Variants in ADAMTS17 observed in about 807,000 individuals in gnomAD.
ADAMTS17 encodes the protein ADAM metallopeptidase with thrombospondin type 1 motif 17, also known as A disintegrin and metalloproteinase with thrombospondin motifs 17.
ADAMTS17 carries 113 observed loss-of-function variants against 141.5 expected under a neutral mutation model. That is an observed-to-expected ratio of 0.80 (90% CI 0.69 to 0.93). The LOEUF (loss-of-function observed/expected upper bound fraction) is 0.93, where lower values mean the gene tolerates loss of function less well. Among genes scored for constraint, ADAMTS17 ranks in the 40% least tolerant of loss-of-function variants. The pLI is 0.00. For missense variants in ADAMTS17, 1,659 were observed against 1,517.9 expected, an observed-to-expected ratio of 1.09 and a Z score of -1.54; for synonymous variants, 768 against 630.6, an observed-to-expected ratio of 1.22 and a Z score of -3.27.
chr15:100,156,855 A>G (rs1481923428), intron 8 of ADAMTS17, among the ~76,000 whole-genome samples: 3 of 152,222 alleles, frequency 2.0e-5, no homozygotes, highest in African/African-American at 7.2e-5. Context: ...AAAAGAAACT[A>G]GATTCAAACT....
intron 8 of ADAMTS17, among the ~76,000 whole-genome samples, chr15:100,166,804 G>A (rs1001511134): frequency 2.0e-5 from 3 of 152,210 alleles, no homozygotes; most frequent in Admixed American, 6.5e-5. Context: ...AATTTAAGGC[G>A]TAGTTGTTCT....
chr15:100,061,247 T>G (rs368990895), intron 15 of ADAMTS17, among the ~76,000 whole-genome samples: 8 of 152,182 alleles, frequency 5.3e-5, no homozygotes, highest in African/African-American at 1.9e-4. Flanking sequence ...AGAGGCTCCA[T>G]GAACGGCAGC....
intron 3 of ADAMTS17, among the ~76,000 whole-genome samples, chr15:100,299,292 G>T (rs1466184049): frequency 6.9e-6 from 1 of 144,628 alleles, no homozygotes; most frequent in Admixed American, 6.7e-5. Flanking sequence ...GGACGTCAGG[G>T]TGTGTGTGTG....
At chr15:100,152,435 T>C (rs2039213245) in intron 10 of ADAMTS17, among the ~76,000 whole-genome samples, 177 bp downstream of exon 10, 1 of 152,214 alleles carries the variant, frequency 6.6e-6, no homozygotes, top group Non-Finnish European at 1.5e-5. Context: ...TGTGAGAGTG[T>C]GTTTATGCAT....
chr15:100,341,038 C>T lies in ADAMTS17; in HGVS notation c.450+1G>A. 1 of 1,523,584 alleles carries T rather than the reference C, an allele frequency of 6.6e-7. No individual in the cohort carries two copies. The highest frequency in any genetic ancestry group is 8.8e-7 in the Non-Finnish European group (1 of 1,140,436). 94.4% of individuals were successfully genotyped at this position (1,523,584 alleles called of 1,614,324 possible). On this transcript the variant is annotated splice_donor_variant, in intron 2 of 21. Coordinates refer to ENST00000268070, the MANE Select transcript of ADAMTS17 (RefSeq NM_139057.4). LOFTEE classifies it high-confidence loss of function. Reference sequence around the variant, plus strand: ...CGACCCGGAGGTGGCGCGGGCAGTACCAGGCCGCCGGCGGCGCCGCAGGCG... The same window carrying T: ...CGACCCGGAGGTGGCGCGGGCAGTATCAGGCCGCCGGCGGCGCCGCAGGCG...
intron 15 of ADAMTS17, among the ~76,000 whole-genome samples, chr15:100,063,123 C>A (rs1460946670): frequency 1.3e-5 from 2 of 152,218 alleles, no homozygotes; most frequent in East Asian, 3.8e-4. Flanking sequence ...CAGAATAGAA[C>A]CCAAGTCTAC....
chr15:100,257,521 A>C (rs2141978643), intron 6 of ADAMTS17, among the ~76,000 whole-genome samples: 1 of 152,364 alleles, frequency 6.6e-6, no homozygotes, highest in Non-Finnish European at 1.5e-5. Context: ...AATGCAGAAG[A>C]AAGCTCAGGC....
At chr15:100,209,193 G>C (rs1329210556) in intron 7 of ADAMTS17, among the ~76,000 whole-genome samples, 1 of 151,166 alleles carries the variant, frequency 6.6e-6, no homozygotes, top group Non-Finnish European at 1.5e-5. Context: ...TAAATGCTTA[G>C]CCCAGCAAAG....
intron 6 of ADAMTS17, among the ~76,000 whole-genome samples, chr15:100,258,830 AAG>A (rs1413724434): frequency 5.3e-5 from 8 of 151,862 alleles, no homozygotes; most frequent in Non-Finnish European, 1.2e-4. Context: ...GAAAAATGAA[AAG>A]AAAGTCTAAC....
At chr15:100,260,198 G>A (rs1382777371) in intron 6 of ADAMTS17, among the ~76,000 whole-genome samples, 9 of 152,182 alleles carry the variant, frequency 5.9e-5, no homozygotes, top group Admixed American at 1.3e-4. Flanking sequence ...GTCTGGGGCT[G>A]GGGTCACAGA....
chr15:100,074,224 T>G (rs2034204005), intron 15 of ADAMTS17: 2 of 152,792 alleles, frequency 1.3e-5, no homozygotes, highest in South Asian at 4.1e-4. Flanking sequence ...GTGAGCACCA[T>G]CAGAAAAATG....
intron 7 of ADAMTS17, among the ~76,000 whole-genome samples, chr15:100,223,393 G>C (rs1450886838): frequency 6.6e-6 from 1 of 152,124 alleles, no homozygotes; most frequent in South Asian, 2.1e-4. Context: ...TTTGAGACCA[G>C]ATGCAGCCTG....
chr15:100,284,438 C>T (rs1176448539), intron 3 of ADAMTS17, among the ~76,000 whole-genome samples: 3 of 152,202 alleles, frequency 2.0e-5, no homozygotes, highest in Admixed American at 6.5e-5. Context: ...GACACTTGCT[C>T]AACAGCCCCA....
chr15:100,199,507 G>A, intron 7 of ADAMTS17, 84 bp from the exon 8 acceptor site: 1 of 1,124,100 alleles, frequency 8.9e-7, no homozygotes, highest in South Asian at 1.2e-5. Flanking sequence ...TCAACGTCAT[G>A]CACAATCAAG....
intron 15 of ADAMTS17, among the ~76,000 whole-genome samples, chr15:100,084,022 A>T (rs2034923573): frequency 6.6e-6 from 1 of 151,914 alleles, no homozygotes; most frequent in African/African-American, 2.4e-5. Flanking sequence ...GTGCACCGTG[A>T]GTGAGCCGAA....
At chr15:100,057,396 C>G (rs901377703) in intron 15 of ADAMTS17, among the ~76,000 whole-genome samples, 2 of 152,124 alleles carry the variant, frequency 1.3e-5, no homozygotes, top group African/African-American at 4.8e-5. Context: ...CCGTAGAACC[C>G]ATTTCTCTCA....
At chr15:100,077,498 T>C (rs1206139322) in intron 15 of ADAMTS17, among the ~76,000 whole-genome samples, 4 of 150,118 alleles carry the variant, frequency 2.7e-5, no homozygotes, top group African/African-American at 7.4e-5. Context: ...TAATCCTCCA[T>C]GTTAATAAGG....
At chr15:100,048,728 C>G in intron 18 of ADAMTS17, 129 bp downstream of exon 18, 2 of 1,396,592 alleles carry the variant, frequency 1.4e-6, no homozygotes, top group Non-Finnish European at 2.0e-6. Flanking sequence ...AAGCGGAAAT[C>G]TCTCATCAAC....
rs568298999 is a variant in ADAMTS17 at position 100,098,425 on chromosome 15, G to C, written c.2017-1949C>G. Among the ~76,000 whole-genome samples, 5 of 152,218 alleles carry C rather than the reference G, an allele frequency of 3.3e-5. No homozygotes were observed. The East Asian group carries it at 9.7e-4, about 29-fold the overall frequency. On this transcript the variant is annotated intron_variant, in intron 14 of 21. Transcript: ENST00000268070. ...GCACTTTGGGAGGCTGAGGTGGGTG[G>C]ATCATGAGGTCAGGAGTTCAAGACC...
Sources: allele counts gnomAD v4.1 joint callset (sites outside exome capture counted in the v4.1 genomes callset), GRCh38; gene constraint gnomAD v4.1.1; transcripts MANE v1.5; gene names NCBI Gene and HGNC (gene_info 2026-07-23, HGNC 2026-07-21).